Variants in CD2AP observed in about 807,000 individuals in gnomAD.
The protein encoded by CD2AP is CD2-associated protein.
CD2AP carries 46 observed loss-of-function variants against 85.1 expected under a neutral mutation model. The ratio of observed to expected loss-of-function variants is 0.54; its 90% CI spans 0.43 to 0.69. The LOEUF (loss-of-function observed/expected upper bound fraction) is 0.69, where lower values mean the gene tolerates loss of function less well. CD2AP is among the 30% of genes least tolerant of loss of function. CD2AP has a pLI of 0.00. For missense variants in CD2AP, 769 were observed against 729.5 expected, an observed-to-expected ratio of 1.05 and a Z score of -0.62; for synonymous variants, 255 against 252.9, an observed-to-expected ratio of 1.01 and a Z score of -0.08.
Position 47,588,466 on chromosome 6 carries a change from G to A in CD2AP, c.1108+6401G>A, listed in dbSNP as rs368341085. On this transcript the variant is annotated intron_variant, in intron 11 of 17. Transcript: ENST00000359314. ...AATCTGAAGGATTCCAGATTATGAC[G>A]TGTTTACATTTGTTTTTCTGAAACT... 1.1e-4 allele frequency among the ~76,000 whole-genome samples: 17 copies of A among 152,136 alleles called. No individual in the cohort carries two copies. The East Asian group carries it at 1.9e-3, about 17-fold the overall frequency.
At chr6:47,511,946 C>T (rs1393304204) in intron 2 of CD2AP, among the ~76,000 whole-genome samples, 2 of 152,166 alleles carry the variant, frequency 1.3e-5, no homozygotes, top group South Asian at 4.2e-4. Context: ...ATCACGAGGT[C>T]AGGAGATTGG....
chr6:47,499,765 C>T (rs929112514), intron 1 of CD2AP, among the ~76,000 whole-genome samples: 2 of 152,086 alleles, frequency 1.3e-5, no homozygotes, highest in African/African-American at 4.8e-5. Context: ...GTTTTTGAGA[C>T]AGAGTCTTGC....
chr6:47,574,668 C>G (rs145175554), intron 6 of CD2AP, among the ~76,000 whole-genome samples: 158 of 151,286 alleles, frequency 1.0e-3, no homozygotes, highest in Admixed American at 8.5e-4. Flanking sequence ...TATTAAATTA[C>G]TTGATATTTT....
At chr6:47,610,971 A>ATATATATATATATATATTTTTTTTT in intron 16 of CD2AP, among the ~76,000 whole-genome samples, 19 of 112,862 alleles carry the variant, frequency 1.7e-4, no homozygotes, top group African/African-American at 6.5e-4. Context: ...ATATATATGT[A>ATATATATATATATATATTTTTTTTT]TTTTTTTTTT....
At chr6:47,619,527 A>G (rs984583352) in intron 17 of CD2AP, among the ~76,000 whole-genome samples, 2 of 151,654 alleles carry the variant, frequency 1.3e-5, no homozygotes, top group Admixed American at 6.6e-5. Flanking sequence ...TGCTGTAAAC[A>G]TGTGTGTGCA....
At chr6:47,527,580 A>G (rs1020072947) in intron 2 of CD2AP, among the ~76,000 whole-genome samples, 3 of 152,240 alleles carry the variant, frequency 2.0e-5, no homozygotes, top group Non-Finnish European at 4.4e-5. Context: ...AGTGCACCAT[A>G]ATGAATGAAT....
chr6:47,551,903 C>T lies in CD2AP; in HGVS notation c.421-2743C>T, dbSNP rs1268260760. Among the ~76,000 whole-genome samples, 4 of 152,228 alleles carry T rather than the reference C, an allele frequency of 2.6e-5. No homozygotes were observed. In the South Asian group the frequency reaches 8.3e-4, roughly 32 times the overall value. On this transcript the variant is annotated intron_variant, in intron 4 of 17. Coordinates refer to ENST00000359314, the MANE Select transcript of CD2AP (RefSeq NM_012120.3). ...AGGCATCTCAAGGTCGTCGGACTTA[C>T]TATATGGCAGTTCACGGCTCTTAAG...
rs1412376558 is a variant in CD2AP at position 47,569,036 on chromosome 6, T to C, written c.542-5028T>C. 2.0e-5 allele frequency among the ~76,000 whole-genome samples: 3 copies of C among 152,174 alleles called. No homozygotes were observed. The East Asian group carries it at 5.8e-4, about 29-fold the overall frequency. On this transcript the variant is annotated intron_variant, in intron 5 of 17. Transcript: ENST00000359314. ...TAAGTAAAAGAGATCATTAAGGACC[T>C]AGACAAGAGCAGTTTTGAGGTGATT...
chr6:47,619,199 T>G (rs1338714414), intron 17 of CD2AP, among the ~76,000 whole-genome samples: 1 of 152,196 alleles, frequency 6.6e-6, no homozygotes, highest in Non-Finnish European at 1.5e-5. Flanking sequence ...TGCACCACGT[T>G]CGTAGTCTTT....
In CD2AP at chr6:47,500,115, G is replaced by C. The variant is rs1765962373; in HGVS notation, c.5-3165G>C. ...TACATTTCTCAGTATTCATTGCTCT[G>C]AGAAACCAGCATTCATCCATAATAG... is the stretch of plus-strand genomic sequence containing the variant. On this transcript the variant is annotated intron_variant, in intron 1 of 17. Coordinates refer to ENST00000359314, the MANE Select transcript of CD2AP (RefSeq NM_012120.3). Among the ~76,000 whole-genome samples, 3 of 152,306 alleles carry C rather than the reference G, an allele frequency of 2.0e-5. No individual in the cohort carries two copies. In the South Asian group the frequency reaches 6.2e-4, roughly 32 times the overall value.
chr6:47,608,842 C>G (rs1036990489), intron 15 of CD2AP, among the ~76,000 whole-genome samples: 7 of 152,128 alleles, frequency 4.6e-5, no homozygotes, highest in Admixed American at 2.0e-4. Flanking sequence ...GCCCCTGTTT[C>G]ACTAGGCAAA....
intron 5 of CD2AP, among the ~76,000 whole-genome samples, chr6:47,573,092 T>C (rs1768199017): frequency 6.6e-6 from 1 of 152,136 alleles, no homozygotes; most frequent in South Asian, 2.1e-4. Context: ...CAGAAAAAAG[T>C]ACATAAAAAT....
At chr6:47,500,721 G>A (rs1482496091) in intron 1 of CD2AP, among the ~76,000 whole-genome samples, 2 of 151,386 alleles carry the variant, frequency 1.3e-5, no homozygotes, top group African/African-American at 2.4e-5. Context: ...AGAACATCCA[G>A]AGTCTGCAGG....
intron 1 of CD2AP, among the ~76,000 whole-genome samples, chr6:47,478,660 C>G (rs555807943): frequency 6.6e-6 from 1 of 152,174 alleles, no homozygotes; most frequent in African/African-American, 2.4e-5. Flanking sequence ...GTAGCACTTT[C>G]AACTTCTTTA....
At chr6:47,500,091 A>G (rs1284997136) in intron 1 of CD2AP, among the ~76,000 whole-genome samples, 3 of 152,198 alleles carry the variant, frequency 2.0e-5, no homozygotes, top group Non-Finnish European at 2.9e-5. Context: ...GGGGACCTCT[A>G]CATTTCTCAG....
At chr6:47,553,513 A>ATTTTTTTTTTTTTTT (rs148273065) in intron 4 of CD2AP, among the ~76,000 whole-genome samples, 5 of 110,518 alleles carry the variant, frequency 4.5e-5, no homozygotes, top group Admixed American at 1.0e-4. Context: ...CACCTAGTGA[A>ATTTTTTTTTTTTTTT]TTTTTTTTTT....
At chr6:47,610,972 TTTTTTTTTTTTTTTGA>T (rs1769421567) in intron 16 of CD2AP, among the ~76,000 whole-genome samples, 1 of 56,332 alleles carries the variant, frequency 1.8e-5, no homozygotes, top group African/African-American at 8.3e-5. Context: ...TATATATGTA[TTTTTTTTTTTTTTTGA>T]ATATAAAACA....
chr6:47,521,220 C>A (rs1766582231), intron 2 of CD2AP, among the ~76,000 whole-genome samples: 1 of 152,004 alleles, frequency 6.6e-6, no homozygotes. Context: ...TTTACTCAGT[C>A]TAAATACTCA....
intron 5 of CD2AP, among the ~76,000 whole-genome samples, chr6:47,563,899 C>T (rs1767926176): frequency 6.6e-6 from 1 of 152,012 alleles, no homozygotes; most frequent in Admixed American, 6.5e-5. Context: ...ATGAATTAAA[C>T]AAAAATATTA....
Sources: allele counts gnomAD v4.1 joint callset (sites outside exome capture counted in the v4.1 genomes callset), GRCh38; gene constraint gnomAD v4.1.1; transcripts MANE v1.5; gene names NCBI Gene and HGNC (gene_info 2026-07-23, HGNC 2026-07-21).